SRSF4: variants seen among roughly 807,000 people sequenced by gnomAD.
SRSF4 encodes serine/arginine-rich splicing factor 4.
Under a neutral mutation model 48.8 loss-of-function variants are expected in SRSF4, and 12 were observed. That is an observed-to-expected ratio of 0.25 (90% CI 0.16 to 0.40). The LOEUF (loss-of-function observed/expected upper bound fraction) is 0.40, where lower values mean the gene tolerates loss of function less well. Ranked by LOEUF, SRSF4 falls within the 10% of genes least tolerant of loss-of-function variation. The pLI is 1.00. For missense variants in SRSF4, 466 were observed against 667.1 expected (o/e 0.70, Z 3.32); for synonymous variants, 248 against 232.5 (o/e 1.07, Z -0.61).
chr1:29,167,798 G>GCCTGC (rs955378361), intron 1 of SRSF4, among the ~76,000 whole-genome samples: 2 of 152,184 alleles, frequency 1.3e-5, no homozygotes, highest in African/African-American at 4.8e-5. Flanking sequence ...TTAGCACAGT[G>GCCTGC]CCTGGCACAG....
Position 29,148,785 on chromosome 1 carries a change from GCTGCGA to G in SRSF4, c.1104_1109del (p.Arg371_Ser372del), listed in dbSNP as rs762415782. ...TTCTGCTCCTCTCACTCTTGCTGCGGCTGCGACTGCGACTGCGGCTCTCCTCTCTGC... is the reference window on the plus strand; with the variant it reads ...TTCTGCTCCTCTCACTCTTGCTGCGGCTGCGACTGCGGCTCTCCTCTCTGC... On this transcript the variant is annotated inframe_deletion, in exon 6 of 6. Coordinates refer to ENST00000373795, the MANE Select transcript of SRSF4 (RefSeq NM_005626.5). 6.0e-5 allele frequency: 96 copies of G among 1,613,258 alleles called. No individual in the cohort carries two copies. The highest frequency in any genetic ancestry group is 8.9e-5 in the East Asian group (4 of 44,872).
chr1:29,178,736 A>G lies in SRSF4; in HGVS notation c.107+2910T>C, dbSNP rs1481429092. 2.6e-5 allele frequency among the ~76,000 whole-genome samples: 4 copies of G among 152,224 alleles called. No homozygotes were observed. The South Asian group carries it at 6.2e-4, about 24-fold the overall frequency. ...TCCACTGCCCTTCTGCTAGGGGACT[A>G]TAAGCTTACATACGTAGCTAAGTTA... On this transcript the variant is annotated intron_variant, in intron 1 of 5. Transcript: ENST00000373795.
intron 1 of SRSF4, among the ~76,000 whole-genome samples, chr1:29,177,464 A>T (rs138041766): frequency 1.3e-5 from 2 of 152,212 alleles, no homozygotes; most frequent in Non-Finnish European, 2.9e-5. Context: ...TATTTTTAGT[A>T]GAGACAGGGG....
At chr1:29,172,507 G>A (rs1054713995) in intron 1 of SRSF4, 1 of 152,142 alleles carries the variant, frequency 6.6e-6, no homozygotes, top group African/African-American at 2.4e-5. Flanking sequence ...GGTCAGGCTG[G>A]TCTCGAACTT....
intron 4 of SRSF4, among the ~76,000 whole-genome samples, chr1:29,153,965 C>T (rs1672456662): frequency 6.6e-6 from 1 of 152,034 alleles, no homozygotes; most frequent in South Asian, 2.1e-4. Flanking sequence ...AGTGCGATCT[C>T]GGCTCACTGC....
intron 1 of SRSF4, chr1:29,170,636 G>A (rs1042037329): frequency 1.6e-4 from 24 of 152,082 alleles, no homozygotes; most frequent in African/African-American, 5.8e-4. Context: ...GTATTTTAAT[G>A]AATTTTTCAA....
chr1:29,181,620 G>A (rs547296334), intron 1 of SRSF4, 26 bp downstream of exon 1: 4 of 1,562,604 alleles, frequency 2.6e-6, no homozygotes, highest in East Asian at 5.1e-5. Context: ...TCCCCGCCCG[G>A]CCGGACCCTC....
intron 1 of SRSF4, chr1:29,166,643 G>A (rs559186732): frequency 6.6e-6 from 1 of 152,346 alleles, no homozygotes; most frequent in Admixed American, 6.5e-5. Flanking sequence ...GAGACAGGAA[G>A]GAGGCTGCTC....
chr1:29,167,173 T>A (rs1393765959), intron 1 of SRSF4, among the ~76,000 whole-genome samples: 2 of 152,244 alleles, frequency 1.3e-5, no homozygotes, highest in African/African-American at 4.8e-5. Context: ...AGTCAGCTAC[T>A]AAATCATTTT....
At chr1:29,181,265 C>A (rs1239098599) in intron 1 of SRSF4, among the ~76,000 whole-genome samples, 2 of 152,230 alleles carry the variant, frequency 1.3e-5, no homozygotes, top group Non-Finnish European at 2.9e-5. Context: ...TTCCAGTAGT[C>A]CTCAGAGCGG....
chr1:29,179,973 G>C (rs1480482477), intron 1 of SRSF4, among the ~76,000 whole-genome samples: 1 of 152,134 alleles, frequency 6.6e-6, no homozygotes, highest in Non-Finnish European at 1.5e-5. Flanking sequence ...CATTAGAAAA[G>C]ACCTCACCAA....
At chr1:29,165,270 A>C (rs557691845) in intron 1 of SRSF4, among the ~76,000 whole-genome samples, 1 of 152,244 alleles carries the variant, frequency 6.6e-6, no homozygotes, top group African/African-American at 2.4e-5. Context: ...GGGCTGCTCT[A>C]AACTTTAGTC....
rs768000253 is a variant in SRSF4, at chr1:29,148,969, A to C, written c.926T>G (p.Val309Gly). 2 of 1,596,416 alleles carry C rather than the reference A, an allele frequency of 1.3e-6. No individual in the cohort carries two copies. The highest frequency in any genetic ancestry group is 2.3e-5 in the East Asian group (1 of 44,140). The change falls in exon 6 of 6, where the codon GTG becomes GGG. Residue 309 changes from valine to glycine, a missense_variant. This residue lies in a region of SRSF4 where 402 missense variants were observed against 437.0 expected (regional missense o/e 0.92). Transcript: ENST00000373795. ...KSRSRSQERR[V>G]EEEKRGSVSR... ...CACACTCCCTCGCTTCTCCTCCTCC[A>C]CTCTCCTCTCCTGACTCCTGCTCCG...
chr1:29,173,768 G>T (rs923644198), intron 1 of SRSF4, among the ~76,000 whole-genome samples: 2 of 151,714 alleles, frequency 1.3e-5, no homozygotes, highest in African/African-American at 2.4e-5. Flanking sequence ...TCTTGAATTT[G>T]TTATGCTTGA....
chr1:29,161,801 G>C (rs1672601274), intron 1 of SRSF4, among the ~76,000 whole-genome samples: 1 of 152,192 alleles, frequency 6.6e-6, no homozygotes, highest in Admixed American at 6.5e-5. Context: ...GTTTTGCCAT[G>C]TTGGCCAAGC....
intron 1 of SRSF4, among the ~76,000 whole-genome samples, chr1:29,176,614 C>T (rs1174966322): frequency 6.6e-6 from 1 of 152,010 alleles, no homozygotes; most frequent in Non-Finnish European, 1.5e-5. Context: ...GAGAAAAATC[C>T]CTGTGTAGGT....
chr1:29,168,159 T>C (rs965528509), intron 1 of SRSF4, among the ~76,000 whole-genome samples: 1 of 151,554 alleles, frequency 6.6e-6, no homozygotes, highest in South Asian at 2.1e-4. Flanking sequence ...GGACTACAGG[T>C]GTGCACCACC....
chr1:29,149,491 C>T (rs1672369376), intron 5 of SRSF4, among the ~76,000 whole-genome samples: 1 of 151,924 alleles, frequency 6.6e-6, no homozygotes, highest in Non-Finnish European at 1.5e-5. Flanking sequence ...GCCAGCCTGG[C>T]CAACATGGTG....
chr1:29,155,532 C>T (rs1165863881), intron 3 of SRSF4, among the ~76,000 whole-genome samples: 2 of 152,196 alleles, frequency 1.3e-5, no homozygotes, highest in African/African-American at 4.8e-5. Flanking sequence ...CTTTGTCGCT[C>T]AGGCAGCTGG....
Sources: allele counts gnomAD v4.1 joint callset (sites outside exome capture counted in the v4.1 genomes callset), GRCh38; gene constraint gnomAD v4.1.1; regional missense constraint gnomAD v4.1.1; transcripts MANE v1.5; gene names NCBI Gene and HGNC (gene_info 2026-07-23, HGNC 2026-07-21).